NIM1K: variants seen among roughly 807,000 people sequenced by gnomAD.
The protein encoded by NIM1K is NIM1 serine/threonine protein kinase.
In NIM1K, 35 loss-of-function variants were observed where a neutral mutation model predicts 37.1. The ratio of observed to expected loss-of-function variants is 0.94; its 90% confidence interval spans 0.72 to 1.25. The LOEUF (loss-of-function observed/expected upper bound fraction) is 1.25. Ranked by LOEUF, NIM1K falls within the 50% of genes most tolerant of loss-of-function variation. The pLI is 0.00. For missense variants in NIM1K, 564 were observed against 548.0 expected (o/e 1.03, Z -0.29); for synonymous variants, 234 against 206.6 (o/e 1.13, Z -1.14).
At chr5:43,212,837 C>T (rs962362437) in intron 1 of NIM1K, among the ~76,000 whole-genome samples, 16 of 152,214 alleles carry the variant, frequency 1.1e-4, no homozygotes, top group African/African-American at 3.9e-4. Flanking sequence ...GTGTTCATTG[C>T]ACTGTTTCCT....
At chr5:43,198,874 C>T (rs2112197879) in intron 1 of NIM1K, among the ~76,000 whole-genome samples, 1 of 152,134 alleles carries the variant, frequency 6.6e-6, no homozygotes, top group Non-Finnish European at 1.5e-5. Context: ...CCTTTTAGGG[C>T]TGTTGTAAAG....
chr5:43,214,923 A>C (rs1404747756), intron 1 of NIM1K, among the ~76,000 whole-genome samples: 1 of 152,176 alleles, frequency 6.6e-6, no homozygotes, highest in Non-Finnish European at 1.5e-5. Flanking sequence ...TTAATTATTA[A>C]ATTTCAAGCT....
chr5:43,196,671 TATAACTAAAACAACA>T (rs1751920745), intron 1 of NIM1K, among the ~76,000 whole-genome samples: 2 of 151,876 alleles, frequency 1.3e-5, no homozygotes, highest in Non-Finnish European at 2.9e-5. Context: ...AATAAAAGCT[TATAACTAAAACAACA>T]GTCCCAGTCT....
chr5:43,235,629 C>G (rs1174481311), intron 1 of NIM1K, among the ~76,000 whole-genome samples: 1 of 152,128 alleles, frequency 6.6e-6, no homozygotes, highest in African/African-American at 2.4e-5. Flanking sequence ...AGGTTAGAGT[C>G]ATAAGGAAAA....
intron 1 of NIM1K, among the ~76,000 whole-genome samples, chr5:43,241,453 C>T (rs1470053578): frequency 1.3e-5 from 2 of 151,638 alleles, no homozygotes; most frequent in African/African-American, 4.9e-5. Context: ...GATTCTCTTG[C>T]CTCAGCCTCC....
intron 1 of NIM1K, among the ~76,000 whole-genome samples, chr5:43,242,049 A>G (rs1392285315): frequency 2.6e-5 from 4 of 152,102 alleles, no homozygotes; most frequent in Non-Finnish European, 5.9e-5. Flanking sequence ...TAACAAAAAC[A>G]CTTTATCTGA....
At chr5:43,232,386 G>C (rs1172303604) in intron 1 of NIM1K, 5 of 1,405,498 alleles carry the variant, frequency 3.6e-6, no homozygotes, top group Non-Finnish European at 4.0e-6. Flanking sequence ...TGGATGGGGG[G>C]ATAGGCCACC....
Position 43,280,086 on chromosome 5 carries a change from A to C in NIM1K, c.668A>C (p.Lys223Thr). 1 of 1,614,200 alleles carries C rather than the reference A, an allele frequency of 6.2e-7. No homozygotes were observed. Among genetic ancestry groups the C allele is most frequent in the South Asian group, 1.1e-5 (1 of 91,090 alleles). Residue 223 changes from lysine to threonine, a missense_variant, in exon 4 of 4, where the codon AAA (lysine) becomes ACA (threonine). By Grantham distance (78) the Lys-to-Thr change is moderately conservative (BLOSUM62 -1). Transcript: ENST00000326035. ...GDFGFSTVSK[K>T]GEMLNTFCGS... ...TTTGGATTCAGCACAGTAAGCAAAAAAGGTGAAATGCTGAACACTTTCTGT... is the reference window on the plus strand; with the variant it reads ...TTTGGATTCAGCACAGTAAGCAAAACAGGTGAAATGCTGAACACTTTCTGT...
At chr5:43,269,532 C>T (rs1030863037) in intron 2 of NIM1K, among the ~76,000 whole-genome samples, 3 of 152,012 alleles carry the variant, frequency 2.0e-5, no homozygotes, top group Non-Finnish European at 4.4e-5. Context: ...TTAATATTAA[C>T]ATTGAGATGT....
chr5:43,255,778 G>GAAAGAAAGAAAGAA (rs1363406613), intron 2 of NIM1K, among the ~76,000 whole-genome samples: 3 of 150,174 alleles, frequency 2.0e-5, no homozygotes, highest in African/African-American at 4.9e-5. Flanking sequence ...AAGAAAGAAA[G>GAAAGAAAGAAAGAA]AGCAGGAGGG....
chr5:43,199,204 A>AAAAAAAATATATATATAT (rs1200134957), intron 1 of NIM1K, among the ~76,000 whole-genome samples: 4 of 94,066 alleles, frequency 4.3e-5, no homozygotes, highest in Non-Finnish European at 8.2e-5. Context: ...AAAAAAAAAA[A>AAAAAAAATATATATATAT]ATATATATAT....
chr5:43,279,755 G>A (rs1753408354), intron 3 of NIM1K, among the ~76,000 whole-genome samples: 1 of 152,220 alleles, frequency 6.6e-6, no homozygotes, highest in African/African-American at 2.4e-5. Context: ...GTGTGGAACA[G>A]ACTCCAACCC....
chr5:43,248,218 G>A (rs1201068417), intron 2 of NIM1K, among the ~76,000 whole-genome samples: 2 of 152,148 alleles, frequency 1.3e-5, no homozygotes, highest in Non-Finnish European at 2.9e-5. Context: ...ATTAATGTGG[G>A]GAAATGACAT....
intron 1 of NIM1K, chr5:43,240,436 A>T (rs912466958): frequency 1.3e-5 from 2 of 151,956 alleles, no homozygotes; most frequent in African/African-American, 4.8e-5. Context: ...TGAAAAAGTA[A>T]GCAGTAAAAA....
chr5:43,276,835 C>T (rs564569609), intron 2 of NIM1K, among the ~76,000 whole-genome samples: 1 of 152,266 alleles, frequency 6.6e-6, no homozygotes, highest in South Asian at 2.1e-4. Flanking sequence ...CCTTGGGAGG[C>T]AGGACTTGGC....
rs1333114150 is a variant in NIM1K, at chr5:43,279,568, A to C, written c.562-412A>C. Among the ~76,000 whole-genome samples, 4 of 152,190 alleles carry C rather than the reference A, an allele frequency of 2.6e-5. No homozygotes were observed. In the East Asian group the frequency reaches 5.8e-4, roughly 22 times the overall value. On this transcript the variant is annotated intron_variant, in intron 3 of 3. Transcript: ENST00000326035. ...TGTAAGGATAAAAGAGTCCACCCCAAAAAGCATGGCCGGAAAGTCAGGGGA... is the reference window on the plus strand; with the variant it reads ...TGTAAGGATAAAAGAGTCCACCCCACAAAGCATGGCCGGAAAGTCAGGGGA...
chr5:43,208,753 G>A (rs914456270), intron 1 of NIM1K, among the ~76,000 whole-genome samples: 10 of 152,208 alleles, frequency 6.6e-5, no homozygotes, highest in African/African-American at 2.4e-4. Flanking sequence ...GCAGATCTCA[G>A]AACTTTCCTT....
At chr5:43,229,849 G>A (rs1007634685) in intron 1 of NIM1K, among the ~76,000 whole-genome samples, 2 of 151,584 alleles carry the variant, frequency 1.3e-5, no homozygotes, top group African/African-American at 4.8e-5. Context: ...GTTGGCCAGG[G>A]TCTCGAACTC....
At position 43,277,338 on chromosome 5, in the gene NIM1K, G is replaced by A; in HGVS notation, c.561+13G>A. 6.2e-7 allele frequency: 1 copy of A among 1,610,236 alleles called. No individual in the cohort carries two copies. Among genetic ancestry groups the A allele is most frequent in the East Asian group, 2.2e-5 (1 of 44,862 alleles). On this transcript the variant is annotated intron_variant, in intron 3 of 3. Transcript: ENST00000326035. ...CGTGAAGCACATGGTGAGCAGGGGT[G>A]ACGAGTGAGAACCTTGCTCCCATTG...
Sources: gnomAD v4.1 joint callset for allele counts (sites outside exome capture counted in the v4.1 genomes callset) on GRCh38, gnomAD v4.1.1 for gene constraint, MANE v1.5 for transcripts, NCBI Gene and HGNC (gene_info 2026-07-23, HGNC 2026-07-21) for gene names.